Variants in CDK1 observed in about 807,000 individuals in gnomAD.
CDK1 encodes cyclin dependent kinase 1, also known as cyclin-dependent kinase 1.
A neutral mutation model predicts 34.6 loss-of-function variants in CDK1; 5 were observed. The observed-to-expected ratio is 0.14, with a 90% CI of 0.08 to 0.30. The LOEUF (loss-of-function observed/expected upper bound fraction) is 0.30. Among genes scored for constraint, CDK1 ranks in the 10% least tolerant of loss-of-function variants. The pLI is 1.00. For missense variants in CDK1, 157 were observed against 345.7 expected, an observed-to-expected ratio of 0.45 and a Z score of 4.33; for synonymous variants, 108 against 114.7, an observed-to-expected ratio of 0.94 and a Z score of 0.37.
chr10:60,786,921 A>T, intron 4 of CDK1: 1 of 983,378 alleles, frequency 1.0e-6, no homozygotes, highest in Non-Finnish European at 1.2e-6. Flanking sequence ...TCACTCAAAG[A>T]TCGAATGTAT....
At chr10:60,785,062 G>A (rs1416795318) in intron 3 of CDK1, among the ~76,000 whole-genome samples, 2 of 152,124 alleles carry the variant, frequency 1.3e-5, no homozygotes, top group Non-Finnish European at 1.5e-5. Flanking sequence ...GGAGGAGCTG[G>A]GTGATGTAGA....
In CDK1 at chr10:60,789,673, A is replaced by G. The variant is rs138552840; in HGVS notation, c.489+1443A>G. 3.5e-4 allele frequency among the ~76,000 whole-genome samples: 54 copies of G among 152,300 alleles called. 1 individual carries two copies. The East Asian group carries it at 9.8e-3, about 28-fold the overall frequency. Reference sequence around the variant, plus strand: ...GTTGATGGAAACAGGTCGATTCTGTATCTTGACTATTGTGAATAGTGCTTC... The same window carrying G: ...GTTGATGGAAACAGGTCGATTCTGTGTCTTGACTATTGTGAATAGTGCTTC... On this transcript the variant is annotated intron_variant, in intron 5 of 7. Transcript: ENST00000395284.
chr10:60,779,838 G>T (rs1328442798), intron 1 of CDK1, among the ~76,000 whole-genome samples: 1 of 152,132 alleles, frequency 6.6e-6, no homozygotes, highest in Non-Finnish European at 1.5e-5. Flanking sequence ...CATAATTCTG[G>T]TTTTTGTTTG....
chr10:60,789,102 A>G (rs533102421), intron 5 of CDK1, among the ~76,000 whole-genome samples: 1 of 152,142 alleles, frequency 6.6e-6, no homozygotes, highest in East Asian at 1.9e-4. Context: ...AATAATTTAA[A>G]AATCATTTTT....
intron 5 of CDK1, among the ~76,000 whole-genome samples, chr10:60,788,594 C>T (rs1442790971): frequency 6.6e-6 from 1 of 152,082 alleles, no homozygotes; most frequent in Non-Finnish European, 1.5e-5. Flanking sequence ...CCATTCAAAT[C>T]ACCACCTTGG....
intron 6 of CDK1, 45 bp from the exon 7 acceptor site, chr10:60,792,103 G>A: frequency 3.1e-6 from 5 of 1,597,536 alleles, no homozygotes; most frequent in Non-Finnish European, 4.3e-6. Context: ...GTAACAATGA[G>A]ATTACATTTA....
At chr10:60,785,396 G>A (rs1228073920) in intron 3 of CDK1, among the ~76,000 whole-genome samples, 1 of 152,026 alleles carries the variant, frequency 6.6e-6, no homozygotes, top group East Asian at 1.9e-4. Context: ...GAAAAAATAA[G>A]CTCTCAGCAA....
At chr10:60,788,881 A>G (rs534145535) in intron 5 of CDK1, among the ~76,000 whole-genome samples, 1 of 152,246 alleles carries the variant, frequency 6.6e-6, no homozygotes, top group East Asian at 1.9e-4. Flanking sequence ...TCATCTGATT[A>G]GATGTCTTGG....
chr10:60,787,688 AAGAT>A (rs10596938), intron 4 of CDK1: 114,484 of 152,644 alleles, frequency 0.75, 43,135 homozygotes, highest in East Asian at 0.84. Context: ...GTAAAAATGA[AAGAT>A]AGAAAAGGCC....
At chr10:60,783,258 A>G (rs2080287985) in intron 2 of CDK1, among the ~76,000 whole-genome samples, 2 of 152,190 alleles carry the variant, frequency 1.3e-5, no homozygotes, top group Non-Finnish European at 2.9e-5. Context: ...TTGGTTATCA[A>G]AAAGTTATAC....
chr10:60,790,234 T>C (rs907954774), intron 5 of CDK1, among the ~76,000 whole-genome samples: 11 of 152,168 alleles, frequency 7.2e-5, no homozygotes, highest in Non-Finnish European at 4.4e-5. Flanking sequence ...TAGTTCGATA[T>C]AATCCTGTTT....
chr10:60,785,968 T>C (rs2080312251), intron 4 of CDK1, 181 bp downstream of exon 4: 6 of 1,186,946 alleles, frequency 5.1e-6, no homozygotes, highest in South Asian at 7.7e-5. Flanking sequence ...TATTACCAGA[T>C]AGTGTTTCTA....
intron 3 of CDK1, 59 bp from the exon 4 acceptor site, chr10:60,785,605 G>A: frequency 9.6e-7 from 1 of 1,037,936 alleles, no homozygotes; most frequent in Non-Finnish European, 1.4e-6. Flanking sequence ...GTTTTATTTT[G>A]TGAAACAGAG....
At chr10:60,787,256 A>G (rs1393120962) in intron 4 of CDK1, among the ~76,000 whole-genome samples, 1 of 152,088 alleles carries the variant, frequency 6.6e-6, no homozygotes, top group Non-Finnish European at 1.5e-5. Context: ...GGTATTCAAC[A>G]CTTCCAACTA....
chr10:60,786,941 A>T, intron 4 of CDK1: 10 of 984,106 alleles, frequency 1.0e-5, no homozygotes, highest in Non-Finnish European at 1.2e-5. Flanking sequence ...TTAGAATAAT[A>T]CATGTCAGTA....
At chr10:60,791,270 C>G (rs1398043475) in intron 5 of CDK1, among the ~76,000 whole-genome samples, 1 of 151,592 alleles carries the variant, frequency 6.6e-6, no homozygotes, top group East Asian at 1.9e-4. Flanking sequence ...TTTTTTGTAC[C>G]TATTGTACAT....
rs181284415 is a variant in CDK1 at position 60,789,616 on chromosome 10, C to A, written c.489+1386C>A. Among the ~76,000 whole-genome samples the A allele has an allele frequency of 6.3e-4, 96 of 152,218 alleles. 1 individual carries two copies. The highest frequency in any genetic ancestry group is 1.0e-3 in the Non-Finnish European group (70 of 68,008). On this transcript the variant is annotated intron_variant, in intron 5 of 7. Transcript: ENST00000395284. The stretch of plus-strand genomic sequence containing the variant: ...CGTATGTGTGTGTACACTACATTTT[C>A]TGTATGTGTGTATGTATACACCACA...
In CDK1 at chr10:60,793,935, C is replaced by T. The variant is rs1382290424; in HGVS notation, c.854C>T (p.Pro285Leu). Residue 285 changes from proline (P) to leucine (L), a missense_variant, in exon 8 of 8, where the codon CCA becomes CTA. Around this residue, in one of 3 missense-constraint regions of CDK1, gnomAD observed 102 missense variants for 233.6 expected, o/e 0.44. Transcript: ENST00000395284. ...RISGKMALNH[P>L]YFNDLDNQIK... The stretch of plus-strand genomic sequence containing the variant: ...TCTGGCAAAATGGCACTGAATCATC[C>T]ATATTTTAATGATTTGGACAATCAG... 6.4e-7 allele frequency: 1 copy of T among 1,551,780 alleles called. No homozygotes were observed. The highest frequency in any genetic ancestry group is 8.7e-7 in the Non-Finnish European group (1 of 1,155,354).
chr10:60,780,271 A>ACAG, intron 2 of CDK1, 69 bp downstream of exon 2: 1 of 807,018 alleles, frequency 1.2e-6, no homozygotes, highest in South Asian at 1.4e-5. Context: ...TAATATGAAC[A>ACAG]CATTTAAATA....
Sources: gnomAD v4.1 joint callset for allele counts (sites outside exome capture counted in the v4.1 genomes callset) on GRCh38, gnomAD v4.1.1 for gene constraint, gnomAD v4.1.1 regional missense constraint, MANE v1.5 for transcripts, NCBI Gene and HGNC (gene_info 2026-07-23, HGNC 2026-07-21) for gene names.